MALT1: variants seen among roughly 807,000 people sequenced by gnomAD.
MALT1 encodes the protein mucosa-associated lymphoid tissue lymphoma translocation protein 1.
Under a neutral mutation model 85.5 loss-of-function variants are expected in MALT1, and 36 were observed. The ratio of observed to expected loss-of-function variants is 0.42; its 90% CI spans 0.32 to 0.56. The LOEUF (loss-of-function observed/expected upper bound fraction) is 0.56, where lower values mean the gene tolerates loss of function less well. MALT1 is among the 20% of genes least tolerant of loss of function. The pLI, the probability that MALT1 is intolerant of heterozygous loss-of-function variation, is 0.10. For synonymous variants in MALT1, 359 were observed against 361.3 expected, an observed-to-expected ratio of 0.99 and a Z score of 0.07; for missense variants, 716 against 981.6, an observed-to-expected ratio of 0.73 and a Z score of 3.62.
At chr18:58,694,138 A>G (rs566434436) in intron 2 of MALT1, among the ~76,000 whole-genome samples, 1 of 152,364 alleles carries the variant, frequency 6.6e-6, no homozygotes, top group African/African-American at 2.4e-5. Flanking sequence ...TGGCCTCGAC[A>G]TAAAGGATTA....
rs371050484 is a variant in MALT1 at position 58,687,443 on chromosome 18, G to A, written c.376+6107G>A. ...ATGTGGACATACTTTGTGTAATGCCGTAGGAGGGACACACATGGACCTACT... is the reference window on the plus strand; with the variant it reads ...ATGTGGACATACTTTGTGTAATGCCATAGGAGGGACACACATGGACCTACT... On this transcript the variant is annotated intron_variant, in intron 2 of 16. Transcript: ENST00000649217. 2.0e-4 allele frequency among the ~76,000 whole-genome samples: 30 copies of A among 152,306 alleles called. No homozygotes were observed. In the East Asian group the frequency reaches 3.3e-3, roughly 17 times the overall value.
rs2054710018 is a variant in MALT1 at position 58,703,950 on chromosome 18, G to A, written c.649+3359G>A. On this transcript the variant is annotated intron_variant, in intron 4 of 16. Coordinates refer to ENST00000649217, the MANE Select transcript of MALT1 (RefSeq NM_006785.4). ...GACCAGTCTAGATATTTTATATTCA[G>A]CTTCTTCCACTCAGCATAATGTTTT... 2.0e-5 allele frequency among the ~76,000 whole-genome samples: 3 copies of A among 152,054 alleles called. No homozygotes were observed. In the South Asian group the frequency reaches 6.2e-4, roughly 32 times the overall value.
At chr18:58,727,616 G>GTTTTGTTTTTT (rs2055077449) in intron 10 of MALT1, among the ~76,000 whole-genome samples, 1 of 121,264 alleles carries the variant, frequency 8.2e-6, no homozygotes, top group African/African-American at 3.3e-5. Context: ...GGTTTTTTGT[G>GTTTTGTTTTTT]TTTTTTTTTT....
At chr18:58,725,159 TA>T (rs1048024969) in intron 10 of MALT1, among the ~76,000 whole-genome samples, 2 of 144,148 alleles carry the variant, frequency 1.4e-5, no homozygotes, top group African/African-American at 2.6e-5. Context: ...TAAAATAAAA[TA>T]AAAACACGAA....
At chr18:58,690,875 A>ATC (rs2054488170) in intron 2 of MALT1, 2 of 222,032 alleles carry the variant, frequency 9.0e-6, no homozygotes, top group African/African-American at 4.6e-5. Context: ...TCTGAATTTG[A>ATC]TCTCTCATGC....
rs1313454318 is a variant in MALT1 at position 58,735,294 on chromosome 18, A to G, written c.1568A>G (p.Lys523Arg). 1.9e-6 allele frequency: 3 copies of G among 1,608,450 alleles called. No individual in the cohort carries two copies. Among genetic ancestry groups the G allele is most frequent in the African/African-American group, 2.7e-5 (2 of 74,624 alleles). Reference sequence around the variant, plus strand: ...TTAAAAGACAGATTATTAGAAGATAAGAAAATCACTGTGTTACTGGATGAA... The same window carrying G: ...TTAAAAGACAGATTATTAGAAGATAGGAAAATCACTGTGTTACTGGATGAA... The part of the protein sequence containing the change: ...KFLKDRLLED[K>R]KITVLLDEVA... Residue 523 changes from lysine to arginine, a missense_variant, in exon 13 of 17, where the codon AAG becomes AGG. Lys to Arg is a conservative substitution (Grantham distance 26). Around this residue, in one of 4 missense-constraint regions of MALT1, gnomAD observed 86 missense variants for 212.3 expected, o/e 0.41. Coordinates refer to ENST00000649217, the MANE Select transcript of MALT1 (RefSeq NM_006785.4).
intron 16 of MALT1, 81 bp downstream of exon 16, chr18:58,745,872 GCT>G: frequency 7.8e-7 from 1 of 1,282,336 alleles, no homozygotes; most frequent in South Asian, 1.4e-5. Flanking sequence ...CCATAGATAT[GCT>G]GCCTTATTAT....
chr18:58,673,727 G>C (rs2054201014), intron 1 of MALT1, among the ~76,000 whole-genome samples: 1 of 152,130 alleles, frequency 6.6e-6, no homozygotes, highest in Admixed American at 6.5e-5. Context: ...GGGATTACAG[G>C]CATGAGCTAC....
rs1254683054 is a variant in MALT1, at chr18:58,749,289, A to AT, written c.*1447_*1448insT. On this transcript the variant is annotated 3_prime_UTR_variant, in exon 17 of 17. Transcript: ENST00000649217. The stretch of plus-strand genomic sequence containing the variant: ...ACACACATTATGAGCTTGAATTCTT[A>AT]ATTCATCCTAGCAAATTCTACCTTA... The AT allele has an allele frequency of 4.6e-6, 1 of 216,640 alleles. No homozygotes were observed. The highest frequency in any genetic ancestry group is 9.3e-6 in the Non-Finnish European group (1 of 107,710). 13.4% of individuals were successfully genotyped at this position (216,640 alleles called of 1,614,324 possible). A position where few individuals can be genotyped will look rare whatever the true frequency, so the allele number is the denominator to read the frequency against.
At chr18:58,713,422 T>G (rs2054859211) in intron 7 of MALT1, among the ~76,000 whole-genome samples, 1 of 152,110 alleles carries the variant, frequency 6.6e-6, no homozygotes, top group Admixed American at 6.6e-5. Context: ...CAAATCTCAG[T>G]TGAGTGACAT....
chr18:58,747,195 G>C (rs774131734), intron 16 of MALT1, among the ~76,000 whole-genome samples: 1 of 152,172 alleles, frequency 6.6e-6, no homozygotes, highest in Non-Finnish European at 1.5e-5. Flanking sequence ...TTCTAAATGG[G>C]TTGTAAGTAT....
chr18:58,727,555 C>T (rs1568147979), intron 10 of MALT1, among the ~76,000 whole-genome samples: 1 of 151,628 alleles, frequency 6.6e-6, no homozygotes. Context: ...GATCCACCCA[C>T]CTTGGCCTCC....
intron 8 of MALT1, among the ~76,000 whole-genome samples, chr18:58,715,701 A>G (rs1381763902): frequency 1.3e-5 from 2 of 152,234 alleles, no homozygotes; most frequent in East Asian, 1.9e-4. Context: ...TCTGTTATAT[A>G]TAAAGCATAT....
chr18:58,681,820 C>T (rs2054326772), intron 2 of MALT1, among the ~76,000 whole-genome samples: 1 of 152,008 alleles, frequency 6.6e-6, no homozygotes, highest in African/African-American at 2.4e-5. Context: ...ATTAACTCAA[C>T]CTTGTACTCT....
chr18:58,680,495 C>A (rs541120398), intron 1 of MALT1, among the ~76,000 whole-genome samples: 1 of 151,918 alleles, frequency 6.6e-6, no homozygotes, highest in African/African-American at 2.4e-5. Context: ...TTGTTCTATC[C>A]GCTTCATTTG....
rs1421294833 is a variant in MALT1, at chr18:58,751,286, A to G, written c.*3444A>G. ...AGATGGCAAAACCCTGTCTCTATTA[A>G]AAATACAAAAAAATTAGCTGGGCAT... On this transcript the variant is annotated 3_prime_UTR_variant, in exon 17 of 17. Coordinates refer to ENST00000649217, the MANE Select transcript of MALT1 (RefSeq NM_006785.4). 6.6e-6 allele frequency: 1 copy of G among 152,262 alleles called. No individual in the cohort carries two copies. Among genetic ancestry groups the G allele is most frequent in the Non-Finnish European group, 1.5e-5 (1 of 68,114 alleles). The allele number at this position is 152,262 out of a possible 1,614,324, so 9.4% of individuals were successfully genotyped here.
At chr18:58,692,445 C>CTCT (rs1568129469) in intron 2 of MALT1, among the ~76,000 whole-genome samples, 620 of 28,376 alleles carry the variant, frequency 0.022, 12 homozygotes, top group Admixed American at 0.037. Flanking sequence ...TCACTCTCTC[C>CTCT]CTCCCTCCCT....
intron 9 of MALT1, among the ~76,000 whole-genome samples, chr18:58,720,461 G>A (rs1293431133): frequency 2.6e-5 from 4 of 152,176 alleles, no homozygotes; most frequent in African/African-American, 9.6e-5. Flanking sequence ...CACCAGTAAA[G>A]TCAAGGAAAT....
intron 4 of MALT1, 86 bp downstream of exon 4, chr18:58,700,677 AGT>A: frequency 7.2e-6 from 9 of 1,243,110 alleles, no homozygotes; most frequent in Non-Finnish European, 7.4e-6. Context: ...ACAATTTCAA[AGT>A]ATCAAAAAAC....
Sources: allele counts gnomAD v4.1 joint callset (sites outside exome capture counted in the v4.1 genomes callset), GRCh38; gene constraint gnomAD v4.1.1; regional missense constraint gnomAD v4.1.1; transcripts MANE v1.5; gene names NCBI Gene and HGNC (gene_info 2026-07-23, HGNC 2026-07-21).